Variants in MTHFD2 observed in about 807,000 individuals in gnomAD.
The protein encoded by MTHFD2 is methylenetetrahydrofolate dehydrogenase (NADP+ dependent) 2, methenyltetrahydrofolate cyclohydrolase, also known as bifunctional methylenetetrahydrofolate dehydrogenase/cyclohydrolase, mitochondrial.
In MTHFD2, 26 loss-of-function variants were observed where a neutral mutation model predicts 36.8. The observed-to-expected ratio is 0.71, with a 90% CI of 0.52 to 0.98. The LOEUF (loss-of-function observed/expected upper bound fraction) is 0.98. MTHFD2 is among the 50% of genes least tolerant of loss of function. MTHFD2 has a pLI of 0.00. For synonymous variants in MTHFD2, 164 were observed against 155.2 expected, an observed-to-expected ratio of 1.06 and a Z score of -0.42; for missense variants, 373 against 434.0, an observed-to-expected ratio of 0.86 and a Z score of 1.25.
intron 7 of MTHFD2, 114 bp from the exon 8 acceptor site, chr2:74,213,965 G>A (rs1694370554): frequency 8.5e-7 from 1 of 1,182,248 alleles, no homozygotes; most frequent in Non-Finnish European, 1.2e-6. Flanking sequence ...TGATTTTTGA[G>A]TTTTATGCTT....
intron 1 of MTHFD2, among the ~76,000 whole-genome samples, chr2:74,202,732 G>T (rs536185177): frequency 6.6e-6 from 1 of 151,336 alleles, no homozygotes; most frequent in Admixed American, 6.6e-5. Context: ...TTCACCATAT[G>T]AGCCAGGATG....
At chr2:74,199,060 G>A (rs1408953666) in intron 1 of MTHFD2, among the ~76,000 whole-genome samples, 1 of 152,236 alleles carries the variant, frequency 6.6e-6, no homozygotes, top group Non-Finnish European at 1.5e-5. Context: ...GAACGCGAAG[G>A]CATCAGTTTA....
At chr2:74,209,499 C>T (rs1694257913) in intron 4 of MTHFD2, among the ~76,000 whole-genome samples, 1 of 152,050 alleles carries the variant, frequency 6.6e-6, no homozygotes, top group South Asian at 2.1e-4. Context: ...GATCCACCTG[C>T]CTTGGCCTCC....
intron 5 of MTHFD2, 109 bp downstream of exon 5, chr2:74,210,158 G>A: frequency 2.3e-6 from 2 of 852,994 alleles, no homozygotes; most frequent in Admixed American, 3.3e-5. Context: ...CTTTGTATTT[G>A]TTGAAATTTT....
chr2:74,198,713 C>T lies in MTHFD2; in HGVS notation c.72C>T (p.Arg24=). Residue 24 remains arginine, a synonymous_variant, in exon 1 of 8, where the codon CGC becomes CGT. Transcript: ENST00000394053. Reference sequence around the variant, plus strand: ...AGCCCGCGCACAGCTGCTCCCTTCGCCTTCGCCCTTTCCACCTCGCGGCAG... The same window carrying T: ...AGCCCGCGCACAGCTGCTCCCTTCGTCTTCGCCCTTTCCACCTCGCGGCAG... ...LLQPAHSCSL[R]LRPFHLAAVR... The T allele has an allele frequency of 6.2e-7, 1 of 1,611,134 alleles. No individual in the cohort carries two copies. Among genetic ancestry groups the T allele is most frequent in the Non-Finnish European group, 8.5e-7 (1 of 1,178,992 alleles).
intron 1 of MTHFD2, among the ~76,000 whole-genome samples, chr2:74,203,705 A>G (rs1694094701): frequency 6.6e-6 from 1 of 152,128 alleles, no homozygotes. Context: ...CAGTACCTTG[A>G]TGTTAGGTTT....
In MTHFD2 at chr2:74,204,492, TTCTG is replaced by T. The variant is rs766284861; in HGVS notation, c.102-1209_102-1206del. 3.3e-5 allele frequency among the ~76,000 whole-genome samples: 5 copies of T among 152,196 alleles called. No homozygotes were observed. The East Asian group carries it at 7.7e-4, about 23-fold the overall frequency. ...GTGTGACTATTATTCTGCCTATTCTTTCTGTCTTTGTTCTGTGGTTCTAGTTTGA... is the reference window on the plus strand; with the variant it reads ...GTGTGACTATTATTCTGCCTATTCTTTCTTTGTTCTGTGGTTCTAGTTTGA... On this transcript the variant is annotated intron_variant, in intron 1 of 7. Coordinates refer to ENST00000394053, the MANE Select transcript of MTHFD2 (RefSeq NM_006636.4).
rs537048762 is a variant in MTHFD2, at chr2:74,207,793, G to A, written c.376G>A (p.Val126Ile). The change falls in exon 3 of 8, where the codon GTA becomes ATA. Residue 126 changes from valine to isoleucine, a missense_variant. By Grantham distance (29) the Val-to-Ile change is conservative (BLOSUM62 3). Transcript: ENST00000394053. ...LINKLNNDDN[V>I]DGLLVQLPLP... is the part of the protein sequence containing the mutation. ...CAATAAACTGAATAATGATGATAATGTAGATGGCCTCCTTGTTCAGTTGCC... is the reference window on the plus strand; with the variant it reads ...CAATAAACTGAATAATGATGATAATATAGATGGCCTCCTTGTTCAGTTGCC... 1.1e-5 allele frequency: 18 copies of A among 1,594,696 alleles called. No homozygotes were observed. The Admixed American group carries it at 2.3e-4, about 21-fold the overall frequency.
intron 1 of MTHFD2, among the ~76,000 whole-genome samples, chr2:74,203,480 C>T (rs978023976): frequency 6.6e-6 from 1 of 151,992 alleles, no homozygotes; most frequent in African/African-American, 2.4e-5. Context: ...TTTAAAATCC[C>T]ATTTAAATTA....
At position 74,211,230 on chromosome 2, in the gene MTHFD2, T is replaced by G; in HGVS notation, c.702T>G (p.Tyr234Ter). The stretch of plus-strand genomic sequence containing the variant: ...CCACTGTTACAATATCTCATCGATA[T>G]ACTCCCAAAGAGCAGTTGAAGAAAC... Reference protein sequence around the residue: ...GDATVTISHRYTPKEQLKKHT... With the variant: ...GDATVTISHR The change falls in exon 6 of 8, where the codon TAT becomes TAG. Residue 234 changes from tyrosine (Y) to a stop codon, truncating the protein, a stop_gained. Transcript: ENST00000394053. LOFTEE classifies it high-confidence loss of function. The G allele has an allele frequency of 6.2e-7, 1 of 1,608,326 alleles. No homozygotes were observed. Among genetic ancestry groups the G allele is most frequent in the East Asian group, 2.2e-5 (1 of 44,810 alleles).
At chr2:74,204,702 A>C (rs181990765) in intron 1 of MTHFD2, among the ~76,000 whole-genome samples, 54 of 152,292 alleles carry the variant, frequency 3.5e-4, no homozygotes, top group African/African-American at 1.2e-3. Flanking sequence ...CACATTGCCA[A>C]CTGTGAGAAG....
At position 74,198,647 on chromosome 2, in the gene MTHFD2, T is replaced by C; in HGVS notation, c.6T>C (p.Ala2=). The stretch of plus-strand genomic sequence containing the variant: ...CGCAGTCACCGGCGCGGTCTATGGC[T>C]GCGACTTCTCTAATGTCTGCTTTGG... The part of the protein sequence containing the change: M[A]ATSLMSALAA... The change falls in exon 1 of 8, where the codon GCT becomes GCC. Residue 2 remains alanine, a synonymous_variant. Transcript: ENST00000394053. The C allele has an allele frequency of 6.2e-7, 1 of 1,608,998 alleles. No individual in the cohort carries two copies. The highest frequency in any genetic ancestry group is 8.5e-7 in the Non-Finnish European group (1 of 1,178,026).
chr2:74,199,484 C>A (rs927754020), intron 1 of MTHFD2, among the ~76,000 whole-genome samples: 2 of 152,192 alleles, frequency 1.3e-5, no homozygotes, highest in Admixed American at 6.5e-5. Context: ...TTCAGTTTTA[C>A]AAGATGAAGA....
At chr2:74,212,173 T>TTGCC (rs1694320186) in intron 7 of MTHFD2, among the ~76,000 whole-genome samples, 1 of 102,762 alleles carries the variant, frequency 9.7e-6, no homozygotes, top group African/African-American at 4.5e-5. Flanking sequence ...TCCTTCTTTC[T>TTGCC]TTCCTTCCTT....
rs1282359537 is a variant in MTHFD2 at position 74,208,668 on chromosome 2, A to G, written c.509A>G (p.Tyr170Cys). 5.0e-6 allele frequency: 8 copies of G among 1,614,226 alleles called. No individual in the cohort carries two copies. The highest frequency in any genetic ancestry group is 6.8e-6 in the Non-Finnish European group (8 of 1,180,038). ...GTAGGACGAATGTGTTTGGATCAGT[A>G]TTCCATGTTACCGGCTACTCCATGG... is the stretch of plus-strand genomic sequence containing the variant. ...INVGRMCLDQ[Y>C]SMLPATPWGV... is the part of the protein sequence containing the mutation. The change falls in exon 4 of 8, where the codon TAT (tyrosine) becomes TGT (cysteine). Residue 170 changes from tyrosine (Y) to cysteine (C), a missense_variant. Transcript: ENST00000394053.
At chr2:74,198,933 C>T (rs1429540041) in intron 1 of MTHFD2, among the ~76,000 whole-genome samples, 191 bp downstream of exon 1, 1 of 152,176 alleles carries the variant, frequency 6.6e-6, no homozygotes, top group African/African-American at 2.4e-5. Context: ...TGGGGCGCTT[C>T]CTCGGCGCGG....
rs1443493079 is a variant in MTHFD2 at position 74,216,373 on chromosome 2, AT to A, written c.*2132del. The A allele has an allele frequency of 3.3e-5, 5 of 152,258 alleles. No individual in the cohort carries two copies. Among genetic ancestry groups the A allele is most frequent in the Admixed American group, 1.3e-4 (2 of 15,286 alleles). The allele number at this position is 152,258 out of a possible 1,614,324, so 9.4% of individuals were successfully genotyped here. On this transcript the variant is annotated 3_prime_UTR_variant, in exon 8 of 8. Coordinates refer to ENST00000394053, the MANE Select transcript of MTHFD2 (RefSeq NM_006636.4). ...TAAAATGTTCATGTATATACAAAATATAAATGACATGTAAGGTAAAATTACA... is the reference window on the plus strand; with the variant it reads ...TAAAATGTTCATGTATATACAAAATAAAATGACATGTAAGGTAAAATTACA...
In MTHFD2 at chr2:74,214,323, AATTT is replaced by A; in HGVS notation, c.*85_*88del. On this transcript the variant is annotated 3_prime_UTR_variant, in exon 8 of 8. Transcript: ENST00000394053. ...AGGCCAATAGAAATGCAATATTTTT[AATTT>A]ATTCTACTGAAATGGTTTAAAATGA... 1 of 1,462,848 alleles carries A rather than the reference AATTT, an allele frequency of 6.8e-7. No homozygotes were observed. The highest frequency in any genetic ancestry group is 2.1e-5 in the Admixed American group (1 of 46,888). 90.6% of individuals were successfully genotyped at this position (1,462,848 alleles called of 1,614,324 possible). A position where few individuals can be genotyped will look rare whatever the true frequency, so the allele number is the denominator to read the frequency against.
At chr2:74,199,450 A>G (rs1693991151) in intron 1 of MTHFD2, among the ~76,000 whole-genome samples, 1 of 152,250 alleles carries the variant, frequency 6.6e-6, no homozygotes, top group South Asian at 2.1e-4. Flanking sequence ...ACAAGTACCC[A>G]TATTTCAGCG....
Sources: allele counts gnomAD v4.1 joint callset (sites outside exome capture counted in the v4.1 genomes callset), GRCh38; gene constraint gnomAD v4.1.1; transcripts MANE v1.5; gene names NCBI Gene and HGNC (gene_info 2026-07-23, HGNC 2026-07-21).